Variants in PYCR2 observed in about 807,000 individuals in gnomAD.
PYCR2 encodes the protein P5C reductase 2.
PYCR2 carries 17 observed loss-of-function variants against 23.4 expected under a neutral mutation model. That is an observed-to-expected ratio of 0.73 (90% CI 0.50 to 1.09). The LOEUF (loss-of-function observed/expected upper bound fraction) is 1.09. Among genes scored for constraint, PYCR2 ranks in the 50% least tolerant of loss-of-function variants. PYCR2 has a pLI of 0.00. For synonymous variants in PYCR2, 172 were observed against 176.6 expected, an observed-to-expected ratio of 0.97 and a Z score of 0.21; for missense variants, 380 against 423.5, an observed-to-expected ratio of 0.90 and a Z score of 0.90.
intron 2 of PYCR2, chr1:225,923,405 A>C (rs1671904454): frequency 1.7e-6 from 2 of 1,164,410 alleles, no homozygotes; most frequent in South Asian, 4.3e-5. Flanking sequence ...AAAAATTTAA[A>C]AAATGAGTAT....
Position 225,921,160 on chromosome 1 carries a change from C to G in PYCR2, c.797+48G>C. ...ATGGTGCTCAACCCAGCCCAGGGAC[C>G]AACCAGGACTGAAGGGTCTGGGACA... On this transcript the variant is annotated intron_variant, in intron 6 of 6. Transcript: ENST00000343818. This position sits in a 1 kb window ranked among gnomAD's most constrained non-coding sequence, Gnocchi z 4.2. 2 of 1,548,658 alleles carry G rather than the reference C, an allele frequency of 1.3e-6. No homozygotes were observed. The highest frequency in any genetic ancestry group is 1.8e-4 in the Middle Eastern group (1 of 5,560).
rs1260988194 is a variant in PYCR2, at chr1:225,920,461, C to T, written c.957G>A (p.Lys319=). 6.9e-7 allele frequency: 1 copy of T among 1,445,434 alleles called. No individual in the cohort carries two copies. The highest frequency in any genetic ancestry group is 1.4e-5 in the African/African-American group (1 of 69,380). 89.5% of individuals were successfully genotyped at this position (1,445,434 alleles called of 1,614,324 possible). A position where few individuals can be genotyped will look rare whatever the true frequency, so the allele number is the denominator to read the frequency against. The change falls in exon 7 of 7, where the codon AAG becomes AAA. Residue 319 remains lysine (K), a synonymous_variant. Coordinates refer to ENST00000343818, the MANE Select transcript of PYCR2 (RefSeq NM_013328.4). ...LTRSLALGGK[K]D ...AGAGGGGACAGATGCTGCCTTAGTC[C>T]TTCTTGCCTCCCAGGGCCAGGCTTC...
At position 225,921,423 on chromosome 1, in the gene PYCR2, C is replaced by A. The variant is rs756623578; in HGVS notation, c.634-52G>T. Reference sequence around the variant, plus strand: ...AGTTGCTGGTGTGCGTTGGAACAGGCTTCCCATACCCACTGCTCCTGCCCA... The same window carrying A: ...AGTTGCTGGTGTGCGTTGGAACAGGATTCCCATACCCACTGCTCCTGCCCA... On this transcript the variant is annotated intron_variant, in intron 5 of 6. Transcript: ENST00000343818. The surrounding 1 kb of genome is among the most constrained non-coding windows in gnomAD (Gnocchi z 4.2). The A allele has an allele frequency of 2.6e-6, 4 of 1,522,278 alleles. No homozygotes were observed. Among genetic ancestry groups the A allele is most frequent in the Non-Finnish European group, 3.6e-6 (4 of 1,104,280 alleles). The allele number at this position is 1,522,278 out of a possible 1,614,324, so 94.3% of individuals were successfully genotyped here.
intron 1 of PYCR2, 91 bp from the exon 2 acceptor site, chr1:225,923,862 T>C (rs1671917494): frequency 1.0e-5 from 16 of 1,566,636 alleles, no homozygotes; most frequent in Non-Finnish European, 1.4e-5. Flanking sequence ...GTCCTAACAG[T>C]GCCAGTCTCC....
In PYCR2 at chr1:225,921,702, C is replaced by G; in HGVS notation, c.541-58G>C. On this transcript the variant is annotated intron_variant, in intron 4 of 6. Coordinates refer to ENST00000343818, the MANE Select transcript of PYCR2 (RefSeq NM_013328.4). The surrounding 1 kb of genome is among the most constrained non-coding windows in gnomAD (Gnocchi z 4.2). Reference sequence around the variant, plus strand: ...GGCACTGAAGGGCCTTTCCTTAGGTCTGCTTTCTGATGACTAGAACTAGCT... The same window carrying G: ...GGCACTGAAGGGCCTTTCCTTAGGTGTGCTTTCTGATGACTAGAACTAGCT... 2 of 1,602,340 alleles carry G rather than the reference C, an allele frequency of 1.2e-6. No individual in the cohort carries two copies. Among genetic ancestry groups the G allele is most frequent in the Non-Finnish European group, 1.7e-6 (2 of 1,169,438 alleles).
At position 225,921,704 on chromosome 1, in the gene PYCR2, G is replaced by A. The variant is rs1671845559; in HGVS notation, c.541-60C>T. ...CACTGAAGGGCCTTTCCTTAGGTCT[G>A]CTTTCTGATGACTAGAACTAGCTCC... On this transcript the variant is annotated intron_variant, in intron 4 of 6. Transcript: ENST00000343818. This position sits in a 1 kb window ranked among gnomAD's most constrained non-coding sequence, Gnocchi z 4.2. 4 of 1,597,932 alleles carry A rather than the reference G, an allele frequency of 2.5e-6. No individual in the cohort carries two copies. The highest frequency in any genetic ancestry group is 3.4e-6 in the Non-Finnish European group (4 of 1,165,550).
At chr1:225,920,782 C>T (rs948471482) in intron 6 of PYCR2, among the ~76,000 whole-genome samples, 162 bp from the exon 7 acceptor site, 1 of 152,152 alleles carries the variant, frequency 6.6e-6, no homozygotes, top group Non-Finnish European at 1.5e-5. Flanking sequence ...CCAACTAGTA[C>T]TTCTAAGAAG....
chr1:225,921,194 CG>C lies in PYCR2; in HGVS notation c.797+13del, dbSNP rs768580218. 1.2e-6 allele frequency: 2 copies of C among 1,607,702 alleles called. No homozygotes were observed. Among genetic ancestry groups the C allele is most frequent in the Non-Finnish European group, 1.7e-6 (2 of 1,176,498 alleles). On this transcript the variant is annotated intron_variant, in intron 6 of 6. Coordinates refer to ENST00000343818, the MANE Select transcript of PYCR2 (RefSeq NM_013328.4). The surrounding 1 kb of genome is among the most constrained non-coding windows in gnomAD (Gnocchi z 4.2). ...CTGAAGGGTCTGGGACAGAAGTCCG[CG>C]GGATGGACTCACCGTGTTCGGATAC...
Position 225,924,195 on chromosome 1 carries a change from C to A in PYCR2, c.-85G>T. On this transcript the variant is annotated 5_prime_UTR_variant, in exon 1 of 7. Coordinates refer to ENST00000343818, the MANE Select transcript of PYCR2 (RefSeq NM_013328.4). ...AACGCTAGGGGAAGGGCGGACAGCG[C>A]AGGGGCGAACGGGCGGCGTGCCGAG... 1 of 1,419,680 alleles carries A rather than the reference C, an allele frequency of 7.0e-7. No individual in the cohort carries two copies. The highest frequency in any genetic ancestry group is 9.4e-7 in the Non-Finnish European group (1 of 1,066,786). The allele number at this position is 1,419,680 out of a possible 1,614,324, so 87.9% of individuals were successfully genotyped here.
At position 225,920,476 on chromosome 1, in the gene PYCR2, G is replaced by A; in HGVS notation, c.942C>T (p.Ala314=). ...TGCCTTAGTCCTTCTTGCCTCCCAGGGCCAGGCTTCTTGTGAGGAGCTTCC... is the reference window on the plus strand; with the variant it reads ...TGCCTTAGTCCTTCTTGCCTCCCAGAGCCAGGCTTCTTGTGAGGAGCTTCC... ...SPGKLLTRSL[A]LGGKKD The change falls in exon 7 of 7, where the codon GCC becomes GCT. Residue 314 remains alanine, a synonymous_variant. Coordinates refer to ENST00000343818, the MANE Select transcript of PYCR2 (RefSeq NM_013328.4). 1 of 1,466,232 alleles carries A rather than the reference G, an allele frequency of 6.8e-7. No individual in the cohort carries two copies. Among genetic ancestry groups the A allele is most frequent in the Non-Finnish European group, 9.3e-7 (1 of 1,075,864 alleles). 90.8% of individuals were successfully genotyped at this position (1,466,232 alleles called of 1,614,324 possible). A position where few individuals can be genotyped will look rare whatever the true frequency, so the allele number is the denominator to read the frequency against.
In PYCR2 at chr1:225,921,971, C is replaced by A. The variant is rs538606802; in HGVS notation, c.427G>T (p.Val143Leu). ...TVYATGTHALVEDGQLLEQLM... is the reference protein window; with the variant it reads ...TVYATGTHALLEDGQLLEQLM... ...TGCTCCAGGAGCTGCCCATCCTCCA[C>A]CAGGGCATGGGTGCCCGTGGCGTAC... is the stretch of plus-strand genomic sequence containing the variant. The change falls in exon 4 of 7, where the codon GTG becomes TTG. Residue 143 changes from valine (V) to leucine (L), a missense_variant. By Grantham distance (32) the Val-to-Leu change is conservative. Transcript: ENST00000343818. The surrounding 1 kb of genome is among the most constrained non-coding windows in gnomAD (Gnocchi z 4.2). 1.2e-6 allele frequency: 2 copies of A among 1,614,044 alleles called. No homozygotes were observed. Among genetic ancestry groups the A allele is most frequent in the African/African-American group, 2.7e-5 (2 of 74,954 alleles).
Position 225,921,420 on chromosome 1 carries a change from A to C in PYCR2, c.634-49T>G. ...GAAAGTTGCTGGTGTGCGTTGGAACAGGCTTCCCATACCCACTGCTCCTGC... is the reference window on the plus strand; with the variant it reads ...GAAAGTTGCTGGTGTGCGTTGGAACCGGCTTCCCATACCCACTGCTCCTGC... On this transcript the variant is annotated intron_variant, in intron 5 of 6. Coordinates refer to ENST00000343818, the MANE Select transcript of PYCR2 (RefSeq NM_013328.4). The surrounding 1 kb of genome is among the most constrained non-coding windows in gnomAD (Gnocchi z 4.2). The C allele has an allele frequency of 6.6e-7, 1 of 1,523,300 alleles. No individual in the cohort carries two copies. Among genetic ancestry groups the C allele is most frequent in the Non-Finnish European group, 9.1e-7 (1 of 1,104,402 alleles). 94.4% of individuals were successfully genotyped at this position (1,523,300 alleles called of 1,614,324 possible). A position where few individuals can be genotyped will look rare whatever the true frequency, so the allele number is the denominator to read the frequency against.
In PYCR2 at chr1:225,923,939, C is replaced by T. The variant is rs1045169378; in HGVS notation, c.67+105G>A. The T allele has an allele frequency of 5.4e-6, 8 of 1,486,108 alleles. No homozygotes were observed. The Admixed American group carries it at 1.6e-4, about 30-fold the overall frequency. The allele number at this position is 1,486,108 out of a possible 1,614,324, so 92.1% of individuals were successfully genotyped here. A position where few individuals can be genotyped will look rare whatever the true frequency, so the allele number is the denominator to read the frequency against. On this transcript the variant is annotated intron_variant, in intron 1 of 6. Transcript: ENST00000343818. ...CTGCTCAACCAGAGTCTCATCTACC[C>T]CACCGGACGCAAACTCCCCTTTCAT...
chr1:225,922,836 A>T (rs957191323), intron 2 of PYCR2: 2 of 283,358 alleles, frequency 7.1e-6, no homozygotes, highest in African/African-American at 4.6e-5. Flanking sequence ...CCATCCCTCT[A>T]TGACTCCAAA....
At position 225,920,460 on chromosome 1, in the gene PYCR2, CCTT is replaced by C. The variant is rs1671806554; in HGVS notation, c.955_957del (p.Lys319del). ...CAGAGGGGACAGATGCTGCCTTAGT[CCTT>C]CTTGCCTCCCAGGGCCAGGCTTCTT... On this transcript the variant is annotated inframe_deletion, in exon 7 of 7. Transcript: ENST00000343818. The C allele has an allele frequency of 9.0e-6, 13 of 1,444,134 alleles. No homozygotes were observed. The highest frequency in any genetic ancestry group is 1.2e-5 in the Non-Finnish European group (13 of 1,064,658). The allele number at this position is 1,444,134 out of a possible 1,614,324, so 89.5% of individuals were successfully genotyped here. A position where few individuals can be genotyped will look rare whatever the true frequency, so the allele number is the denominator to read the frequency against.
In PYCR2 at chr1:225,921,779, C is replaced by T. The variant is rs528015047; in HGVS notation, c.540+79G>A. 7 of 1,593,396 alleles carry T rather than the reference C, an allele frequency of 4.4e-6. No individual in the cohort carries two copies. Among genetic ancestry groups the T allele is most frequent in the African/African-American group, 1.3e-5 (1 of 74,532 alleles). On this transcript the variant is annotated intron_variant, in intron 4 of 6. Coordinates refer to ENST00000343818, the MANE Select transcript of PYCR2 (RefSeq NM_013328.4). The surrounding 1 kb of genome is among the most constrained non-coding windows in gnomAD (Gnocchi z 4.2). ...AGCTGTGCCCAAGAGGTGGGCGCCA[C>T]CCCCAGTCCAAGCCTGCCTGCCAGC...
intron 2 of PYCR2, chr1:225,922,889 C>A (rs1309953563): frequency 4.1e-5 from 29 of 699,084 alleles, no homozygotes; most frequent in Non-Finnish European, 5.1e-5. Context: ...TCAGCCCACC[C>A]TAGGCACAGA....
In PYCR2 at chr1:225,920,388, G is replaced by C; in HGVS notation, c.*67C>G. 7.3e-7 allele frequency: 1 copy of C among 1,374,746 alleles called. No homozygotes were observed. The highest frequency in any genetic ancestry group is 9.8e-7 in the Non-Finnish European group (1 of 1,019,288). 85.2% of individuals were successfully genotyped at this position (1,374,746 alleles called of 1,614,324 possible). On this transcript the variant is annotated 3_prime_UTR_variant, in exon 7 of 7. Coordinates refer to ENST00000343818, the MANE Select transcript of PYCR2 (RefSeq NM_013328.4). ...AGGGGCAATGGTGGGAGCGGGGCAG[G>C]GGGGTGGCAGGGGCGGCAGGGGCTC...
At chr1:225,923,832 T>C (rs558027570) in intron 1 of PYCR2, 61 bp from the exon 2 acceptor site, 2 of 1,608,668 alleles carry the variant, frequency 1.2e-6, no homozygotes, top group African/African-American at 1.3e-5. Flanking sequence ...ACGCTTTCCC[T>C]GGCTCTAAAA....
Sources: allele counts gnomAD v4.1 joint callset (sites outside exome capture counted in the v4.1 genomes callset), GRCh38; gene constraint gnomAD v4.1.1; non-coding constraint Gnocchi (gnomAD v3.1); transcripts MANE v1.5; gene names NCBI Gene and HGNC (gene_info 2026-07-23, HGNC 2026-07-21).